CDKL3: variants seen among roughly 807,000 people sequenced by gnomAD.
CDKL3 encodes cyclin-dependent kinase-like 3.
CDKL3 carries 65 observed loss-of-function variants against 69.3 expected under a neutral mutation model. The ratio of observed to expected loss-of-function variants is 0.94; its 90% CI spans 0.77 to 1.15. The LOEUF (loss-of-function observed/expected upper bound fraction) is 1.15, where lower values mean the gene tolerates loss of function less well. Among genes scored for constraint, CDKL3 ranks in the 50% most tolerant of loss-of-function variants. CDKL3 has a pLI of 0.00. For missense variants in CDKL3, 652 were observed against 689.2 expected (o/e 0.95, Z 0.61); for synonymous variants, 202 against 221.6 (o/e 0.91, Z 0.79).
intron 8 of CDKL3, among the ~76,000 whole-genome samples, chr5:134,286,952 T>C (rs998436376): frequency 3.3e-4 from 50 of 152,164 alleles, no homozygotes; most frequent in East Asian, 5.8e-4. Flanking sequence ...TTCAGGTAAA[T>C]GTCTGTGGAA....
chr5:134,285,220 T>C (rs183719557), downstream of CDKL3, among the ~76,000 whole-genome samples: 799 of 152,326 alleles, frequency 5.2e-3, 9 homozygotes, highest in African/African-American at 0.018. Flanking sequence ...GTAGGGACTC[T>C]GTGTGGGGGC....
At chr5:134,363,149 TCTC>T (rs1235872780) in intron 2 of CDKL3, among the ~76,000 whole-genome samples, 1 of 152,018 alleles carries the variant, frequency 6.6e-6, no homozygotes, top group African/African-American at 2.4e-5. Flanking sequence ...GGGAAAAAAA[TCTC>T]CTAATCAGAT....
At chr5:134,349,814 A>G (rs1212049556) in intron 4 of CDKL3, among the ~76,000 whole-genome samples, 2 of 152,162 alleles carry the variant, frequency 1.3e-5, no homozygotes, top group Non-Finnish European at 2.9e-5. Flanking sequence ...CCCTCTTCTT[A>G]GCCCCAACCT....
chr5:134,339,639 T>C (rs1581105081), intron 4 of CDKL3, among the ~76,000 whole-genome samples: 2 of 152,198 alleles, frequency 1.3e-5, no homozygotes, highest in East Asian at 3.8e-4. Context: ...TCAAGTCACA[T>C]GGAACATTCT....
intron 3 of CDKL3, 117 bp from the exon 4 acceptor site, chr5:134,350,544 C>T: frequency 1.5e-6 from 1 of 678,226 alleles, no homozygotes; most frequent in East Asian, 2.8e-5. Flanking sequence ...TTCCTTACCA[C>T]ATGCAAAGGA....
rs145129537 is a variant in CDKL3 at position 134,323,830 on chromosome 5, G to C, written c.540-1927C>G. Among the ~76,000 whole-genome samples the C allele has an allele frequency of 1.7e-3, 252 of 152,070 alleles. 2 individuals are homozygous for C. The highest frequency in any genetic ancestry group is 5.8e-3 in the African/African-American group (240 of 41,522). ...TGAGTTTTTAGATACAACACCAAAA[G>C]TATAATTCACAAAAGAAAAAATTGA... On this transcript the variant is annotated intron_variant, in intron 4 of 12. Coordinates refer to ENST00000265334, the MANE Select transcript of CDKL3 (RefSeq NM_001113575.2).
rs199991828 is a variant in CDKL3, at chr5:134,352,793, T to TA, written c.361-2367_361-2366insT. On this transcript the variant is annotated intron_variant, in intron 3 of 12. Transcript: ENST00000265334. ...AGGTTATTTGTTTTCTTACTATTGA[T>TA]TTATTTGAGTTCCTTATATATTCTA... Among the ~76,000 whole-genome samples, 1,090 of 152,256 alleles carry TA rather than the reference T, an allele frequency of 7.2e-3. 10 individuals carry two copies. Among genetic ancestry groups the TA allele is most frequent in the Non-Finnish European group, 0.011 (719 of 68,026 alleles).
At chr5:134,343,893 C>CA (rs1449550940) in intron 4 of CDKL3, among the ~76,000 whole-genome samples, 1 of 152,224 alleles carries the variant, frequency 6.6e-6, no homozygotes, top group Non-Finnish European at 1.5e-5. Flanking sequence ...CCTGCACACT[C>CA]ACGCCGGCTC....
At chr5:134,328,881 A>T (rs1213047760) in intron 4 of CDKL3, among the ~76,000 whole-genome samples, 1 of 152,206 alleles carries the variant, frequency 6.6e-6, no homozygotes. Flanking sequence ...CCTCTCAACA[A>T]AAACGCCTAT....
chr5:134,365,990 A>C (rs1757324567), intron 2 of CDKL3, among the ~76,000 whole-genome samples: 1 of 152,212 alleles, frequency 6.6e-6, no homozygotes. Context: ...CTTTTTATTC[A>C]GTATGATTTT....
At chr5:134,315,182 G>A (rs1770675553) in intron 6 of CDKL3, among the ~76,000 whole-genome samples, 1 of 151,706 alleles carries the variant, frequency 6.6e-6, no homozygotes, top group Non-Finnish European at 1.5e-5. Flanking sequence ...GATAAATGTA[G>A]CATTCCAAAT....
intron 10 of CDKL3, 73 bp from the exon 11 acceptor site, chr5:134,304,640 A>C: frequency 8.1e-7 from 1 of 1,240,842 alleles, no homozygotes. Context: ...TAGAATTGCT[A>C]GCCATTTGGA....
rs1765516934 is a variant in CDKL3 at position 134,298,470 on chromosome 5, T to C, written c.*181A>G. 2.2e-6 allele frequency: 3 copies of C among 1,381,120 alleles called. No homozygotes were observed. The South Asian group carries it at 5.6e-5, about 26-fold the overall frequency. 85.6% of individuals were successfully genotyped at this position (1,381,120 alleles called of 1,614,324 possible). On this transcript the variant is annotated 3_prime_UTR_variant, in exon 13 of 13. Transcript: ENST00000265334. ...TATAATTCCAAATCAAATTATCACA[T>C]CAACAGAGTCTTAAAAGGGAAAAGA...
At chr5:134,295,532 G>A (rs1214645573), downstream of CDKL3, among the ~76,000 whole-genome samples, 1 of 152,174 alleles carries the variant, frequency 6.6e-6, no homozygotes, top group Non-Finnish European at 1.5e-5. Context: ...CCCTAGAGGA[G>A]CAATTACTTT....
At chr5:134,304,604 TCTAA>T (rs774789498) in intron 10 of CDKL3, 37 bp from the exon 11 acceptor site, 20 of 1,532,534 alleles carry the variant, frequency 1.3e-5, no homozygotes, top group Middle Eastern at 1.7e-4. Flanking sequence ...AAGAAATGTG[TCTAA>T]CTATTTGTAG....
chr5:134,286,827 C>T (rs1482219415), intron 8 of CDKL3, among the ~76,000 whole-genome samples: 3 of 152,144 alleles, frequency 2.0e-5, no homozygotes, highest in South Asian at 2.1e-4. Context: ...TCCTACAACA[C>T]GTGGGAATTC....
At chr5:134,292,636 A>G (rs1765170863) in intron 8 of CDKL3, among the ~76,000 whole-genome samples, 1 of 152,044 alleles carries the variant, frequency 6.6e-6, no homozygotes, top group African/African-American at 2.4e-5. Context: ...AACAATAGAA[A>G]TAATAAAACA....
At position 134,367,063 on chromosome 5, in the gene CDKL3, C is replaced by T; in HGVS notation, c.-108G>A. The T allele has an allele frequency of 3.0e-6, 3 of 987,174 alleles. No homozygotes were observed. The highest frequency in any genetic ancestry group is 3.6e-6 in the Non-Finnish European group (3 of 831,104). 61.2% of individuals were successfully genotyped at this position (987,174 alleles called of 1,614,324 possible). On this transcript the variant is annotated 5_prime_UTR_variant, in exon 1 of 13. Coordinates refer to ENST00000265334, the MANE Select transcript of CDKL3 (RefSeq NM_001113575.2). ...ATTCTGTGGTCCCGCTGGTCTGGCT[C>T]TGCGTAGTTCCAGTGGAGCCACCGA...
chr5:134,299,220 C>T (rs779529413), intron 12 of CDKL3, among the ~76,000 whole-genome samples: 1 of 152,166 alleles, frequency 6.6e-6, no homozygotes, highest in Non-Finnish European at 1.5e-5. Context: ...AATGCTGCTC[C>T]AGAAAGTTCA....
Sources: allele counts gnomAD v4.1 joint callset (sites outside exome capture counted in the v4.1 genomes callset), GRCh38; gene constraint gnomAD v4.1.1; transcripts MANE v1.5; gene names NCBI Gene and HGNC (gene_info 2026-07-23, HGNC 2026-07-21).